DYNC2H1: variants seen among roughly 807,000 people sequenced by gnomAD.
The protein encoded by DYNC2H1 is dynein cytoplasmic 2 heavy chain 1.
A neutral mutation model predicts 570.0 loss-of-function variants in DYNC2H1; 410 were observed. That is an observed-to-expected ratio of 0.72 (90% CI 0.66 to 0.78). The LOEUF (loss-of-function observed/expected upper bound fraction) is 0.78. Among genes scored for constraint, DYNC2H1 ranks in the 30% least tolerant of loss-of-function variants. DYNC2H1 has a pLI of 0.00. For missense variants in DYNC2H1, 4,865 were observed against 5,046.4 expected, an observed-to-expected ratio of 0.96 and a Z score of 1.09; for synonymous variants, 1,688 against 1,677.6, an observed-to-expected ratio of 1.01 and a Z score of -0.15.
At position 103,114,202 on chromosome 11, in the gene DYNC2H1, T is replaced by A. The variant is rs765931519; in HGVS notation, c.466T>A (p.Leu156Ile). The change falls in exon 3 of 89, where the codon TTA becomes ATA. Residue 156 changes from leucine (L) to isoleucine (I), a missense_variant. Physicochemically the swap from Leu to Ile is conservative, Grantham distance 5. Around this residue, in one of 5 missense-constraint regions of DYNC2H1, gnomAD observed 1,936 missense variants for 1,962.1 expected, o/e 0.99. Coordinates refer to ENST00000375735, the MANE Select transcript of DYNC2H1 (RefSeq NM_001377.3). ...AGTTCTACGAAGATCAGACACTAACTTAACAAAATTGAAATTTAAGGAAGA... is the reference window on the plus strand; with the variant it reads ...AGTTCTACGAAGATCAGACACTAACATAACAAAATTGAAATTTAAGGAAGA... ...GIVLRRSDTNLTKLKFKEDDT... is the reference protein window; with the variant it reads ...GIVLRRSDTNITKLKFKEDDT... 3.1e-6 allele frequency: 5 copies of A among 1,598,692 alleles called. No homozygotes were observed. Among genetic ancestry groups the A allele is most frequent in the Middle Eastern group, 1.7e-4 (1 of 5,926 alleles).
At chr11:103,417,120 G>T (rs2514399) in intron 84 of DYNC2H1, among the ~76,000 whole-genome samples, 1 of 151,854 alleles carries the variant, frequency 6.6e-6, no homozygotes, top group Non-Finnish European at 1.5e-5. Context: ...TTTCTTTGTC[G>T]CCAGGCTGGA....
rs1041837697 is a variant in DYNC2H1, at chr11:103,319,851, G to C, written c.11726-1178G>C. Among the ~76,000 whole-genome samples the C allele has an allele frequency of 6.6e-6, 1 of 152,122 alleles. No individual in the cohort carries two copies. The highest frequency in any genetic ancestry group is 1.5e-5 in the Non-Finnish European group (1 of 68,008). On this transcript the variant is annotated intron_variant, in intron 80 of 88. Transcript: ENST00000375735. This position sits in a 1 kb window ranked among gnomAD's most constrained non-coding sequence, Gnocchi z 4.3. The stretch of plus-strand genomic sequence containing the variant: ...CATTTAGTGAGTATCAGGACAACTA[G>C]AAATTTGAGTCCTGGTGAAGTCCTT...
In DYNC2H1 at chr11:103,166,014, C is replaced by G. The variant is rs72989738; in HGVS notation, c.4728C>G (p.Asn1576Lys). 45,066 of 1,532,380 alleles carry G rather than the reference C, an allele frequency of 0.029. 804 individuals carry two copies. Among genetic ancestry groups the G allele is most frequent in the Middle Eastern group, 0.047 (263 of 5,548 alleles). 94.9% of individuals were successfully genotyped at this position (1,532,380 alleles called of 1,614,324 possible). A position where few individuals can be genotyped will look rare whatever the true frequency, so the allele number is the denominator to read the frequency against. Residue 1576 changes from asparagine (N) to lysine (K), a missense_variant, in exon 31 of 89, where the codon AAC (asparagine) becomes AAG (lysine). Asn to Lys is a moderately conservative substitution (Grantham distance 94). This residue lies in a region of DYNC2H1 where 1,936 missense variants were observed against 1,962.1 expected (regional missense o/e 0.99). Coordinates refer to ENST00000375735, the MANE Select transcript of DYNC2H1 (RefSeq NM_001377.3). ...TGAATAAGTTAGAGCAATATACTAA[C>G]ATTGATACAAGTTCTGAGGATCCAG... ...QLVNKLEQYT[N>K]IDTSSEDPGN...
At chr11:103,219,744 A>G (rs769751611) in intron 55 of DYNC2H1, among the ~76,000 whole-genome samples, 171 bp from the exon 56 acceptor site, 1 of 152,240 alleles carries the variant, frequency 6.6e-6, no homozygotes, top group Admixed American at 6.5e-5. Context: ...ATGGAGTAAA[A>G]TATATCATTG....
At chr11:103,413,931 G>A (rs1462250035) in intron 84 of DYNC2H1, among the ~76,000 whole-genome samples, 1 of 152,000 alleles carries the variant, frequency 6.6e-6, no homozygotes, top group Non-Finnish European at 1.5e-5. Flanking sequence ...TTGTCCTTTT[G>A]TTTGTCCTTT....
In DYNC2H1 at chr11:103,277,035, A is replaced by T. The variant is rs1052974125; in HGVS notation, c.10696-3313A>T. Among the ~76,000 whole-genome samples the T allele has an allele frequency of 1.3e-5, 2 of 152,124 alleles. No individual in the cohort carries two copies. Among genetic ancestry groups the T allele is most frequent in the Non-Finnish European group, 2.9e-5 (2 of 67,956 alleles). ...ACTTGGCCTTACAATTCTTATTTTA[A>T]CATATGCCACTTAATTTTTTAAATT... On this transcript the variant is annotated intron_variant, in intron 70 of 88. Coordinates refer to ENST00000375735, the MANE Select transcript of DYNC2H1 (RefSeq NM_001377.3). The surrounding 1 kb of genome is among the most constrained non-coding windows in gnomAD (Gnocchi z 4.3).
rs1337159920 is a variant in DYNC2H1 at position 103,446,987 on chromosome 11, C to T, written c.12457-8199C>T. On this transcript the variant is annotated intron_variant, in intron 85 of 88. Transcript: ENST00000375735. The surrounding 1 kb of genome is among the most constrained non-coding windows in gnomAD (Gnocchi z 4.5). ...AAGTAATTTTTAATAATCTTGTTTCCCATAGTGGTTCAGGTTCTGCATGAA... is the reference window on the plus strand; with the variant it reads ...AAGTAATTTTTAATAATCTTGTTTCTCATAGTGGTTCAGGTTCTGCATGAA... Among the ~76,000 whole-genome samples the T allele has an allele frequency of 6.6e-6, 1 of 151,996 alleles. No individual in the cohort carries two copies. The highest frequency in any genetic ancestry group is 2.1e-4 in the South Asian group (1 of 4,822).
intron 58 of DYNC2H1, among the ~76,000 whole-genome samples, chr11:103,222,524 T>G (rs1863627113): frequency 6.6e-6 from 1 of 152,188 alleles, no homozygotes; most frequent in Admixed American, 6.5e-5. Context: ...TTAGATTTCA[T>G]GATTCTGGTA....
chr11:103,237,341 T>C (rs1436546316), intron 63 of DYNC2H1, among the ~76,000 whole-genome samples: 1 of 151,990 alleles, frequency 6.6e-6, no homozygotes, highest in Non-Finnish European at 1.5e-5. Flanking sequence ...TTAAACATGC[T>C]CCTCTTTATG....
rs777249058 is a variant in DYNC2H1 at position 103,220,650 on chromosome 11, G to T, written c.8974G>T (p.Val2992Phe). The T allele has an allele frequency of 1.2e-6, 2 of 1,610,664 alleles. No individual in the cohort carries two copies. Among genetic ancestry groups the T allele is most frequent in the South Asian group, 1.1e-5 (1 of 90,020 alleles). ...QPLVNEAKLA[V>F]GNIKPESLSE... The stretch of plus-strand genomic sequence containing the variant: ...TTTAGTCAATGAAGCTAAACTAGCA[G>T]TTGGAAACATTAAGCCCGAATCACT... Residue 2992 changes from valine (V) to phenylalanine (F), a missense_variant, in exon 57 of 89, where the codon GTT becomes TTT. Val to Phe is a conservative substitution (Grantham distance 50). This residue lies in a region of DYNC2H1 where 2,401 missense variants were observed against 2,454.6 expected (regional missense o/e 0.98). Coordinates refer to ENST00000375735, the MANE Select transcript of DYNC2H1 (RefSeq NM_001377.3).
intron 4 of DYNC2H1, among the ~76,000 whole-genome samples, chr11:103,116,142 CAA>C (rs1456046992): frequency 2.0e-5 from 3 of 151,816 alleles, no homozygotes; most frequent in African/African-American, 4.8e-5. Flanking sequence ...TTTTTGGTAA[CAA>C]TGATGAAATA....
At chr11:103,200,821 G>C (rs922088190) in intron 50 of DYNC2H1, among the ~76,000 whole-genome samples, 4 of 152,006 alleles carry the variant, frequency 2.6e-5, no homozygotes, top group Non-Finnish European at 4.4e-5. Flanking sequence ...TTGTTTGTTT[G>C]CTTGTTTGTT....
chr11:103,218,340 C>T (rs553416798), intron 55 of DYNC2H1, among the ~76,000 whole-genome samples: 11 of 152,182 alleles, frequency 7.2e-5, no homozygotes, highest in African/African-American at 2.7e-4. Context: ...AACAGCCAAA[C>T]TATGATAGAA....
intron 63 of DYNC2H1, among the ~76,000 whole-genome samples, chr11:103,242,488 A>G (rs941519330): frequency 1.3e-5 from 2 of 152,166 alleles, no homozygotes; most frequent in Non-Finnish European, 2.9e-5. Flanking sequence ...CTAAGTTTTC[A>G]TCTTACTCTG....
chr11:103,154,649 T>C (rs753073835), intron 23 of DYNC2H1, 43 bp downstream of exon 23: 67 of 1,571,730 alleles, frequency 4.3e-5, no homozygotes, highest in Non-Finnish European at 5.8e-5. Flanking sequence ...TTTGGTTGTT[T>C]TATTTTTGGA....
intron 70 of DYNC2H1, among the ~76,000 whole-genome samples, chr11:103,269,033 C>A (rs994122677): frequency 4.6e-5 from 7 of 151,988 alleles, no homozygotes; most frequent in Non-Finnish European, 8.8e-5. Flanking sequence ...ATATATTAGG[C>A]AAAAGGCAGC....
intron 84 of DYNC2H1, among the ~76,000 whole-genome samples, chr11:103,427,900 AG>A (rs1299839582): frequency 2.0e-5 from 3 of 152,062 alleles, no homozygotes; most frequent in Non-Finnish European, 2.9e-5. Flanking sequence ...CATTTTGAGT[AG>A]AATTTATCAT....
intron 88 of DYNC2H1, among the ~76,000 whole-genome samples, chr11:103,469,866 A>G (rs575074466): frequency 6.6e-6 from 1 of 152,338 alleles, no homozygotes; most frequent in South Asian, 2.1e-4. Flanking sequence ...TGAAACTTAT[A>G]TACAAAAGTT....
At chr11:103,247,930 T>C (rs536750220) in intron 65 of DYNC2H1, among the ~76,000 whole-genome samples, 1 of 152,144 alleles carries the variant, frequency 6.6e-6, no homozygotes. Flanking sequence ...AAGACAAGGA[T>C]TGATTTACAG....
Sources: gnomAD v4.1 joint callset for allele counts (sites outside exome capture counted in the v4.1 genomes callset) on GRCh38, gnomAD v4.1.1 for gene constraint, gnomAD v4.1.1 regional missense constraint, Gnocchi (gnomAD v3.1) non-coding constraint, MANE v1.5 for transcripts, NCBI Gene and HGNC (gene_info 2026-07-23, HGNC 2026-07-21) for gene names.